The following AFF3 variants were observed in gnomAD, a reference collection of about 807,000 sequenced individuals.
AFF3 encodes AF4/FMR2 family member 3.
In AFF3, 32 loss-of-function variants were observed where a neutral mutation model predicts 129.7. The observed-to-expected ratio is 0.25, with a 90% CI of 0.19 to 0.33. AFF3 has a LOEUF of 0.33. Ranked by LOEUF, AFF3 falls within the 10% of genes least tolerant of loss-of-function variation. AFF3 has a pLI of 1.00. For missense variants in AFF3, 1,373 were observed against 1,592.0 expected (o/e 0.86, Z 2.34); for synonymous variants, 644 against 635.4 (o/e 1.01, Z -0.20).
At chr2:99,998,076 C>T (rs1461220381) in intron 7 of AFF3, among the ~76,000 whole-genome samples, 1 of 152,160 alleles carries the variant, frequency 6.6e-6, no homozygotes, top group East Asian at 1.9e-4. Flanking sequence ...TATGGTGACA[C>T]AGGAAGGCTC....
chr2:99,737,614 AG>A (rs1172068202), intron 10 of AFF3, among the ~76,000 whole-genome samples: 1 of 151,706 alleles, frequency 6.6e-6, no homozygotes, highest in Non-Finnish European at 1.5e-5. Context: ...TGTGCACTTT[AG>A]CTATAATGTG....
At chr2:99,702,506 A>G (rs1349299798) in intron 11 of AFF3, among the ~76,000 whole-genome samples, 2 of 151,622 alleles carry the variant, frequency 1.3e-5, no homozygotes, top group Non-Finnish European at 2.9e-5. Context: ...CACTCAGCTA[A>G]TTTTTGTATT....
intron 8 of AFF3, among the ~76,000 whole-genome samples, chr2:99,769,539 T>C (rs190381968): frequency 2.6e-5 from 4 of 152,314 alleles, no homozygotes; most frequent in African/African-American, 7.2e-5. Context: ...TTTTCCTGGA[T>C]GATGTTGATG....
At chr2:100,113,165 T>G (rs541094176) in intron 2 of AFF3, among the ~76,000 whole-genome samples, 1 of 152,274 alleles carries the variant, frequency 6.6e-6, no homozygotes, top group South Asian at 2.1e-4. Flanking sequence ...AAGAGGATAA[T>G]CTCAATGATC....
chr2:99,872,207 CAAAAAAAAAA>C (rs397871895), intron 7 of AFF3, among the ~76,000 whole-genome samples: 1 of 61,782 alleles, frequency 1.6e-5, no homozygotes, highest in Non-Finnish European at 2.9e-5. Flanking sequence ...GACTCCATCT[CAAAAAAAAAA>C]AAAAAAAAAA....
At chr2:99,635,134 T>C (rs1347912623) in intron 13 of AFF3, among the ~76,000 whole-genome samples, 3 of 151,824 alleles carry the variant, frequency 2.0e-5, no homozygotes, top group East Asian at 1.9e-4. Context: ...AGGTATATGA[T>C]ATATACACAT....
intron 13 of AFF3, among the ~76,000 whole-genome samples, chr2:99,605,857 A>ATT (rs34385645): frequency 5.4e-4 from 80 of 147,868 alleles, no homozygotes; most frequent in Non-Finnish European, 8.5e-4. Flanking sequence ...TAATTTTTGT[A>ATT]TTTTTTTTTT....
chr2:99,923,381 TGTTGAA>T (rs1695991694), intron 7 of AFF3, among the ~76,000 whole-genome samples: 1 of 152,346 alleles, frequency 6.6e-6, no homozygotes, highest in Middle Eastern at 3.4e-3. Flanking sequence ...TAGCTTTTGA[TGTTGAA>T]AAGCATACCA....
At chr2:100,071,959 C>A (rs374139517) in intron 4 of AFF3, among the ~76,000 whole-genome samples, 1 of 152,148 alleles carries the variant, frequency 6.6e-6, no homozygotes. Flanking sequence ...ATTTTTATGC[C>A]TTCTGACATC....
chr2:99,596,559 A>G (rs1487428838), intron 14 of AFF3, among the ~76,000 whole-genome samples: 2 of 151,896 alleles, frequency 1.3e-5, no homozygotes, highest in Non-Finnish European at 2.9e-5. Flanking sequence ...GGGTGCACAT[A>G]TTGGAAGAGG....
intron 8 of AFF3, among the ~76,000 whole-genome samples, chr2:99,822,853 C>A (rs575723692): frequency 2.0e-5 from 3 of 152,078 alleles, no homozygotes; most frequent in African/African-American, 4.8e-5. Flanking sequence ...TGGGGGTGTG[C>A]GTGAAGGGGC....
intron 11 of AFF3, among the ~76,000 whole-genome samples, chr2:99,675,680 A>G (rs1162766510): frequency 2.0e-5 from 3 of 152,246 alleles, no homozygotes; most frequent in Admixed American, 6.5e-5. Flanking sequence ...ACAATGAAAC[A>G]TGGTTAGGAG....
chr2:99,594,137 C>T lies in AFF3; in HGVS notation c.1524G>A (p.Gly508=), dbSNP rs1679049783. The T allele has an allele frequency of 1.9e-6, 3 of 1,613,988 alleles. No homozygotes were observed. The Admixed American group carries it at 5.0e-5, about 27-fold the overall frequency. ...NPVKEDVQDC[G]KVPDVCQPSL... ...TGGGCTGGCAAACGTCGGGGACTTTCCCACAGTCCTGGACGTCCTCTTTCA... is the reference window on the plus strand; with the variant it reads ...TGGGCTGGCAAACGTCGGGGACTTTTCCACAGTCCTGGACGTCCTCTTTCA... Residue 508 remains glycine, a synonymous_variant, in exon 15 of 25, where the codon GGG becomes GGA. Coordinates refer to ENST00000672756, the MANE Select transcript of AFF3 (RefSeq NM_001386135.1).
At chr2:99,566,347 C>A (rs187987779) in intron 19 of AFF3, among the ~76,000 whole-genome samples, 13 of 151,990 alleles carry the variant, frequency 8.6e-5, no homozygotes, top group Admixed American at 7.9e-4. Flanking sequence ...GGAGCTATTT[C>A]AGCTTTGCTA....
chr2:100,088,050 C>G (rs906400104), intron 4 of AFF3, among the ~76,000 whole-genome samples: 2 of 149,152 alleles, frequency 1.3e-5, no homozygotes, highest in Admixed American at 6.7e-5. Flanking sequence ...CTATGAAAAA[C>G]CAACAGATAA....
chr2:100,071,425 C>T (rs1688172527), intron 4 of AFF3, among the ~76,000 whole-genome samples: 1 of 152,100 alleles, frequency 6.6e-6, no homozygotes, highest in Non-Finnish European at 1.5e-5. Context: ...ATACAGTAGA[C>T]CATCTGTGAG....
At position 100,040,664 on chromosome 2, in the gene AFF3, A is replaced by C. The variant is rs554019175; in HGVS notation, c.54-31732T>G. On this transcript the variant is annotated intron_variant, in intron 4 of 24. Transcript: ENST00000672756. ...CAAGGCAGAACCAGGGCTCTGGCAC[A>C]CCTGCTTTGTTCCCCTGCTACCGAC... is the stretch of plus-strand genomic sequence containing the variant. Among the ~76,000 whole-genome samples, 13 of 152,302 alleles carry C rather than the reference A, an allele frequency of 8.5e-5. 1 individual carries two copies. The South Asian group carries it at 2.7e-3, about 32-fold the overall frequency.
intron 4 of AFF3, among the ~76,000 whole-genome samples, chr2:100,030,099 TGATAA>T (rs1332173079): frequency 6.7e-6 from 1 of 149,936 alleles, no homozygotes; most frequent in Non-Finnish European, 1.5e-5. Flanking sequence ...ATAATAATAA[TGATAA>T]GATGATAAAC....
intron 4 of AFF3, among the ~76,000 whole-genome samples, chr2:100,025,831 TA>T (rs1683991005): frequency 6.6e-6 from 1 of 152,172 alleles, no homozygotes; most frequent in Non-Finnish European, 1.5e-5. Flanking sequence ...GGTGCTGGGA[TA>T]ACTGGCTAGC....
Sources: gnomAD v4.1 joint callset for allele counts (sites outside exome capture counted in the v4.1 genomes callset) on GRCh38, gnomAD v4.1.1 for gene constraint, MANE v1.5 for transcripts, NCBI Gene and HGNC (gene_info 2026-07-23, HGNC 2026-07-21) for gene names.